GLIS3: variants seen among roughly 807,000 people sequenced by gnomAD.
GLIS3 encodes zinc finger protein GLIS3.
GLIS3 carries 53 observed loss-of-function variants against 78.6 expected under a neutral mutation model. The ratio of observed to expected loss-of-function variants is 0.67; its 90% CI spans 0.54 to 0.85. GLIS3 has a LOEUF of 0.85. Ranked by LOEUF, GLIS3 falls within the 40% of genes least tolerant of loss-of-function variation. GLIS3 has a pLI of 0.00. For synonymous variants in GLIS3, 684 were observed against 509.9 expected (o/e 1.34, Z -4.60); for missense variants, 1,703 against 1,231.1 (o/e 1.38, Z -5.74).
chr9:4,463,315 T>C, the GLIS3 span, among the ~76,000 whole-genome samples: 1 of 152,086 alleles, frequency 6.6e-6, no homozygotes, highest in Non-Finnish European at 1.5e-5. Context: ...GCTGATAGAG[T>C]AAGAAAAAGG....
intron 2 of GLIS3, among the ~76,000 whole-genome samples, chr9:4,129,446 G>GGGT (rs1832802670): frequency 6.6e-6 from 1 of 152,116 alleles, no homozygotes; most frequent in South Asian, 2.1e-4. Context: ...GGATCATGGG[G>GGGT]GGTGGATCCT....
intron 4 of GLIS3, among the ~76,000 whole-genome samples, chr9:4,006,707 T>C (rs1352749462): frequency 6.6e-6 from 1 of 152,218 alleles, no homozygotes; most frequent in Admixed American, 6.5e-5. Context: ...AGGAAATGGA[T>C]ACAGCTTAGA....
At chr9:4,133,926 T>C (rs1419478267) in intron 2 of GLIS3, among the ~76,000 whole-genome samples, 3 of 151,930 alleles carry the variant, frequency 2.0e-5, no homozygotes, top group Non-Finnish European at 2.9e-5. Context: ...TAGGCCATTC[T>C]AGTTCCTCAT....
the GLIS3 span, among the ~76,000 whole-genome samples, chr9:4,447,295 C>G: frequency 1.6e-4 from 24 of 152,014 alleles, no homozygotes; most frequent in Non-Finnish European, 1.5e-5. Context: ...AATCCTCCTG[C>G]CTTGGCCTCC....
chr9:4,258,318 C>T lies in GLIS3; in HGVS notation c.388+27720G>A, dbSNP rs1390951486. On this transcript the variant is annotated intron_variant, in intron 2 of 10. Coordinates refer to ENST00000381971, the MANE Select transcript of GLIS3 (RefSeq NM_001042413.2). ...GAATAAAGTCTACAGTTTTAGTTTA[C>T]AGTAACATATATATACCAATGCTGG... Among the ~76,000 whole-genome samples, 3 of 148,034 alleles carry T rather than the reference C, an allele frequency of 2.0e-5. No homozygotes were observed. In the East Asian group the frequency reaches 5.8e-4, roughly 29 times the overall value.
At chr9:4,165,198 T>C (rs1307313370) in intron 2 of GLIS3, among the ~76,000 whole-genome samples, 1 of 152,128 alleles carries the variant, frequency 6.6e-6, no homozygotes, top group Non-Finnish European at 1.5e-5. Flanking sequence ...CCCAGCACTT[T>C]GGGAGGCTGA....
chr9:3,948,179 C>T (rs1034316061), intron 4 of GLIS3, among the ~76,000 whole-genome samples: 5 of 152,150 alleles, frequency 3.3e-5, no homozygotes, highest in Non-Finnish European at 2.9e-5. Flanking sequence ...CAAGGTGGAA[C>T]TTTTCTGCAT....
chr9:4,001,779 A>AC (rs1473981117), intron 4 of GLIS3, among the ~76,000 whole-genome samples: 3 of 152,208 alleles, frequency 2.0e-5, no homozygotes, highest in Non-Finnish European at 4.4e-5. Context: ...TAAACCAAAT[A>AC]CAGGACAGCA....
At chr9:4,300,486 C>G (rs1444683572), upstream of GLIS3, among the ~76,000 whole-genome samples, 2 of 152,020 alleles carry the variant, frequency 1.3e-5, no homozygotes, top group East Asian at 1.9e-4. Context: ...AATATCGGAT[C>G]GGATGCACAT....
intron 2 of GLIS3, among the ~76,000 whole-genome samples, chr9:4,257,574 T>TTGC (rs1206930105): frequency 8.0e-5 from 4 of 50,040 alleles, no homozygotes; most frequent in African/African-American, 1.9e-4. Flanking sequence ...TATGTTGTTG[T>TTGC]TGTTGTTGTT....
intron 2 of GLIS3, among the ~76,000 whole-genome samples, chr9:4,186,418 T>C (rs1458034001): frequency 9.2e-5 from 14 of 152,084 alleles, no homozygotes; most frequent in Non-Finnish European, 1.6e-4. Flanking sequence ...TTTGGGTTGG[T>C]TGCAAGTCTT....
intron 7 of GLIS3, among the ~76,000 whole-genome samples, chr9:3,888,608 G>A (rs892703731): frequency 2.0e-5 from 3 of 152,158 alleles, no homozygotes; most frequent in African/African-American, 4.8e-5. Context: ...CAGCTTCTTC[G>A]ATTATCATGA....
At chr9:3,983,392 A>C (rs1412322855) in intron 4 of GLIS3, among the ~76,000 whole-genome samples, 1 of 152,170 alleles carries the variant, frequency 6.6e-6, no homozygotes, top group East Asian at 1.9e-4. Flanking sequence ...AGGCTCATAC[A>C]GTAAATTGGT....
chr9:4,328,138 C>T (rs962944311), intron 2 of GLIS3, among the ~76,000 whole-genome samples: 30 of 152,154 alleles, frequency 2.0e-4, no homozygotes, highest in Admixed American at 3.3e-4. Context: ...GCTGCTACCC[C>T]GGGGATCCAG....
chr9:4,231,375 A>C (rs1199074430), intron 2 of GLIS3, among the ~76,000 whole-genome samples: 3 of 152,170 alleles, frequency 2.0e-5, no homozygotes, highest in Admixed American at 6.5e-5. Flanking sequence ...TGTTCTCTAA[A>C]ATTAAGGTTC....
chr9:4,086,993 C>G (rs1428146610), intron 4 of GLIS3, among the ~76,000 whole-genome samples: 1 of 152,154 alleles, frequency 6.6e-6, no homozygotes, highest in East Asian at 1.9e-4. Flanking sequence ...TCTACAAAAT[C>G]CTAGTTTAGT....
rs528023305 is a variant in GLIS3 at position 4,223,613 on chromosome 9, C to A, written c.388+62425G>T. Among the ~76,000 whole-genome samples the A allele has an allele frequency of 2.0e-5, 3 of 152,306 alleles. No homozygotes were observed. The East Asian group carries it at 5.8e-4, about 29-fold the overall frequency. On this transcript the variant is annotated intron_variant, in intron 2 of 10. Transcript: ENST00000381971. The stretch of plus-strand genomic sequence containing the variant: ...GGCCTCTAAAACACCACGTGAACAA[C>A]CACTACTCACATTCGAAGTCACTTC...
intron 2 of GLIS3, among the ~76,000 whole-genome samples, chr9:4,311,093 C>T (rs1393247115): frequency 6.6e-6 from 1 of 152,162 alleles, no homozygotes; most frequent in African/African-American, 2.4e-5. Flanking sequence ...GTTCTTAATG[C>T]TAAGGAGTCT....
intron 2 of GLIS3, among the ~76,000 whole-genome samples, chr9:4,190,913 A>G (rs1818271968): frequency 6.6e-6 from 1 of 152,178 alleles, no homozygotes; most frequent in African/African-American, 2.4e-5. Context: ...TCAACCCAGA[A>G]TTTCACATCC....
Sources: allele counts gnomAD v4.1 joint callset (sites outside exome capture counted in the v4.1 genomes callset), GRCh38; gene constraint gnomAD v4.1.1; transcripts MANE v1.5; gene names NCBI Gene and HGNC (gene_info 2026-07-23, HGNC 2026-07-21).